The following ANKRD17 variants were observed in gnomAD, a reference collection of about 807,000 sequenced individuals.
The protein encoded by ANKRD17 is ankyrin repeat domain 17.
In ANKRD17, 19 loss-of-function variants were observed where a neutral mutation model predicts 229.7. The observed-to-expected ratio is 0.08, with a 90% CI of 0.06 to 0.12. The LOEUF is 0.12. Ranked by LOEUF, ANKRD17 falls within the 10% of genes least tolerant of loss-of-function variation. The probability of loss-of-function intolerance (pLI) is 1.00; values close to 1 mark genes in which losing one functional copy is unlikely to be tolerated. For missense variants in ANKRD17, 2,176 were observed against 3,176.8 expected (o/e 0.68, Z 7.57); for synonymous variants, 1,112 against 1,146.1 (o/e 0.97, Z 0.60).
At chr4:73,149,201 T>C (rs745737364) in intron 7 of ANKRD17, 151 bp from the exon 8 acceptor site, 60 of 641,992 alleles carry the variant, frequency 9.3e-5, no homozygotes, top group Non-Finnish European at 1.5e-4. Flanking sequence ...AATCAGTATT[T>C]ATTATGCACT....
chr4:73,222,616 A>G (rs1229903734), intron 1 of ANKRD17, among the ~76,000 whole-genome samples: 2 of 152,200 alleles, frequency 1.3e-5, no homozygotes, highest in Non-Finnish European at 2.9e-5. Flanking sequence ...TCTAAGACAT[A>G]TGATACTAAA....
intron 14 of ANKRD17, 143 bp from the exon 15 acceptor site, chr4:73,140,426 A>C (rs937109434): frequency 5.2e-6 from 4 of 765,630 alleles, no homozygotes; most frequent in Non-Finnish European, 7.4e-6. Flanking sequence ...AAAAATTAAA[A>C]ACAAATCCAC....
intron 25 of ANKRD17, among the ~76,000 whole-genome samples, chr4:73,099,845 G>C (rs1226672837): frequency 1.3e-5 from 2 of 152,116 alleles, no homozygotes; most frequent in Non-Finnish European, 2.9e-5. Context: ...CCCTCCACCT[G>C]GGATCTGAGT....
At chr4:73,248,664 A>T (rs1483199117) in intron 1 of ANKRD17, among the ~76,000 whole-genome samples, 2 of 152,040 alleles carry the variant, frequency 1.3e-5, no homozygotes, top group African/African-American at 4.8e-5. Flanking sequence ...GAATTCTATC[A>T]TTGTGCTAAG....
intron 1 of ANKRD17, among the ~76,000 whole-genome samples, chr4:73,221,950 G>C (rs1741911033): frequency 6.6e-6 from 1 of 152,128 alleles, no homozygotes; most frequent in Non-Finnish European, 1.5e-5. Flanking sequence ...AATGCGCATA[G>C]GCTTTTTTCT....
intron 1 of ANKRD17, among the ~76,000 whole-genome samples, chr4:73,186,500 T>C (rs376070106): frequency 7.2e-5 from 11 of 152,272 alleles, no homozygotes; most frequent in Admixed American, 2.0e-4. Flanking sequence ...TCTATTCTTA[T>C]ATTTTTTCAT....
intron 21 of ANKRD17, 99 bp downstream of exon 21, chr4:73,120,062 AT>A: frequency 7.6e-7 from 1 of 1,308,948 alleles, no homozygotes; most frequent in South Asian, 1.2e-5. Flanking sequence ...AAAAGAAGAA[AT>A]AATCACATTT....
At chr4:73,226,901 T>C (rs1026163152) in intron 1 of ANKRD17, among the ~76,000 whole-genome samples, 5 of 152,192 alleles carry the variant, frequency 3.3e-5, no homozygotes, top group African/African-American at 1.2e-4. Context: ...TCTTTTACTC[T>C]ATCTTTAGGT....
At chr4:73,187,510 C>G (rs1242018118) in intron 1 of ANKRD17, among the ~76,000 whole-genome samples, 9 of 152,154 alleles carry the variant, frequency 5.9e-5, no homozygotes, top group Non-Finnish European at 1.3e-4. Context: ...GAGTATATGC[C>G]ATAAATGACT....
At chr4:73,160,846 T>C (rs1560623678) in intron 3 of ANKRD17, among the ~76,000 whole-genome samples, 1 of 152,326 alleles carries the variant, frequency 6.6e-6, no homozygotes, top group East Asian at 1.9e-4. Context: ...TTTACTTCTT[T>C]GTCACCAATA....
chr4:73,252,773 G>A (rs1745139540), intron 1 of ANKRD17, among the ~76,000 whole-genome samples: 2 of 151,730 alleles, frequency 1.3e-5, no homozygotes, highest in Admixed American at 6.6e-5. Flanking sequence ...TAGAAAGGGT[G>A]GTTTTTCAGT....
rs926333253 is a variant in ANKRD17 at position 73,075,484 on chromosome 4, G to A, written c.*747C>T. The A allele has an allele frequency of 1.3e-5, 2 of 152,468 alleles. No homozygotes were observed. Among genetic ancestry groups the A allele is most frequent in the Non-Finnish European group, 2.9e-5 (2 of 67,978 alleles). 9.4% of individuals were successfully genotyped at this position (152,468 alleles called of 1,614,324 possible). ...AGGTAAGGAGAGAAAAAGGAGTGAG[G>A]AGATAAGTCTGTATTAGTTTTAAAA... On this transcript the variant is annotated 3_prime_UTR_variant, in exon 34 of 34. Coordinates refer to ENST00000358602, the MANE Select transcript of ANKRD17 (RefSeq NM_032217.5).
chr4:73,107,303 A>T (rs1724761589), intron 24 of ANKRD17, among the ~76,000 whole-genome samples: 1 of 152,254 alleles, frequency 6.6e-6, no homozygotes, highest in African/African-American at 2.4e-5. Context: ...TCAACAGCAG[A>T]AAGAGATCAA....
At chr4:73,079,210 C>A (rs1429963173) in intron 30 of ANKRD17, among the ~76,000 whole-genome samples, 1 of 152,056 alleles carries the variant, frequency 6.6e-6, no homozygotes, top group Non-Finnish European at 1.5e-5. Context: ...AACAAACCAA[C>A]AACAACAGAA....
At chr4:73,178,718 A>G (rs539360390) in intron 1 of ANKRD17, among the ~76,000 whole-genome samples, 2 of 152,302 alleles carry the variant, frequency 1.3e-5, no homozygotes, top group South Asian at 2.1e-4. Context: ...CTGTGTTAAG[A>G]AACACTGATA....
chr4:73,169,823 G>A (rs140664800), intron 2 of ANKRD17, among the ~76,000 whole-genome samples: 273 of 152,296 alleles, frequency 1.8e-3, no homozygotes, highest in African/African-American at 1.9e-3. Context: ...CGGTCACAGC[G>A]GAGAGCAGAA....
At chr4:73,183,695 T>C (rs892152462) in intron 1 of ANKRD17, among the ~76,000 whole-genome samples, 32 of 152,174 alleles carry the variant, frequency 2.1e-4, no homozygotes, top group African/African-American at 7.7e-4. Context: ...GTTTTGTGTA[T>C]TTTGGTAGAG....
At chr4:73,228,343 G>GA (rs1432142716) in intron 1 of ANKRD17, among the ~76,000 whole-genome samples, 2 of 151,960 alleles carry the variant, frequency 1.3e-5, no homozygotes, top group African/African-American at 4.8e-5. Context: ...AATGACTGAG[G>GA]AATCTAGATA....
At chr4:73,130,789 T>C (rs997949138) in intron 16 of ANKRD17, among the ~76,000 whole-genome samples, 3 of 152,108 alleles carry the variant, frequency 2.0e-5, no homozygotes, top group Non-Finnish European at 4.4e-5. Context: ...TTCTTTCTCA[T>C]TGGTAGTGGC....
Sources: gnomAD v4.1 joint callset for allele counts (sites outside exome capture counted in the v4.1 genomes callset) on GRCh38, gnomAD v4.1.1 for gene constraint, MANE v1.5 for transcripts, NCBI Gene and HGNC (gene_info 2026-07-23, HGNC 2026-07-21) for gene names.